WWOX: variants seen among roughly 807,000 people sequenced by gnomAD.
The protein encoded by WWOX is WW domain-containing oxidoreductase.
WWOX carries 69 observed loss-of-function variants against 46.2 expected under a neutral mutation model. That is an observed-to-expected ratio of 1.49 (90% confidence interval 1.23 to 1.82). The LOEUF (loss-of-function observed/expected upper bound fraction) is 1.82, where lower values mean the gene tolerates loss of function less well. WWOX is among the 40% of genes most tolerant of loss of function. WWOX has a pLI of 0.00. For missense variants in WWOX, 919 were observed against 542.6 expected (o/e 1.69, Z -6.89); for synonymous variants, 359 against 202.6 (o/e 1.77, Z -6.56).
chr16:79,139,851 C>T (rs1981883), intron 8 of WWOX, among the ~76,000 whole-genome samples: 29,116 of 152,188 alleles, frequency 0.19, 5,736 homozygotes, highest in African/African-American at 0.51. Flanking sequence ...AAAACTGATA[C>T]TAATTCTGTT....
At chr16:79,117,974 A>G (rs965985448) in intron 8 of WWOX, among the ~76,000 whole-genome samples, 3 of 152,210 alleles carry the variant, frequency 2.0e-5, no homozygotes, top group African/African-American at 4.8e-5. Context: ...TTTGGTTTCT[A>G]TCATTTGTGT....
At chr16:78,362,713 G>A (rs934463795) in intron 5 of WWOX, among the ~76,000 whole-genome samples, 3 of 152,148 alleles carry the variant, frequency 2.0e-5, no homozygotes, top group Non-Finnish European at 4.4e-5. Flanking sequence ...GGGTTTCCAG[G>A]AAACAGCCTC....
chr16:79,004,551 C>T (rs1365154563), intron 8 of WWOX: 1 of 152,272 alleles, frequency 6.6e-6, no homozygotes, highest in Non-Finnish European at 1.5e-5. Context: ...ACTGTGAGCT[C>T]AGGTCAGCAT....
intron 8 of WWOX, among the ~76,000 whole-genome samples, chr16:78,994,800 G>C (rs2046954578): frequency 6.6e-6 from 1 of 152,034 alleles, no homozygotes; most frequent in African/African-American, 2.4e-5. Flanking sequence ...AAAGAGCAGG[G>C]TTTCGCCGTG....
At chr16:78,297,104 G>A (rs902527703) in intron 5 of WWOX, among the ~76,000 whole-genome samples, 2 of 152,150 alleles carry the variant, frequency 1.3e-5, no homozygotes, top group African/African-American at 2.4e-5. Context: ...CCTGGAGTGA[G>A]GTGGCTCTCT....
intron 4 of WWOX, among the ~76,000 whole-genome samples, chr16:78,141,473 A>G (rs548131371): frequency 2.2e-5 from 3 of 137,232 alleles, no homozygotes; most frequent in Non-Finnish European, 3.0e-5. Context: ...CTTTGAGAAT[A>G]TAGTGGAACC....
chr16:78,647,117 C>A (rs1202540586), intron 8 of WWOX, among the ~76,000 whole-genome samples: 1 of 152,174 alleles, frequency 6.6e-6, no homozygotes, highest in Non-Finnish European at 1.5e-5. Context: ...CTGCCCAGTG[C>A]CCCAATCTGG....
intron 8 of WWOX, among the ~76,000 whole-genome samples, chr16:78,489,794 G>C (rs1436914962): frequency 6.6e-6 from 1 of 152,100 alleles, no homozygotes; most frequent in Non-Finnish European, 1.5e-5. Flanking sequence ...TGAAATCTGG[G>C]ACCACAGTTC....
chr16:79,001,056 CATTA>C (rs1567473570), intron 8 of WWOX, among the ~76,000 whole-genome samples: 2 of 152,170 alleles, frequency 1.3e-5, no homozygotes, highest in Non-Finnish European at 2.9e-5. Flanking sequence ...TCAATAAATA[CATTA>C]ATTAATTAAT....
chr16:78,950,967 C>T (rs1052207905), intron 8 of WWOX, among the ~76,000 whole-genome samples: 2 of 152,208 alleles, frequency 1.3e-5, no homozygotes, highest in South Asian at 2.1e-4. Flanking sequence ...TTCTTTCCAG[C>T]CCCGCTCAAC....
At chr16:78,837,652 T>A (rs1416415710) in intron 8 of WWOX, among the ~76,000 whole-genome samples, 2 of 152,186 alleles carry the variant, frequency 1.3e-5, no homozygotes, top group Non-Finnish European at 2.9e-5. Flanking sequence ...GTGAACCAAA[T>A]ATTTTGTATC....
At chr16:78,333,285 G>A (rs2080807458) in intron 5 of WWOX, among the ~76,000 whole-genome samples, 1 of 150,412 alleles carries the variant, frequency 6.6e-6, no homozygotes, top group Admixed American at 6.7e-5. Context: ...CTGAGCTCAG[G>A]TGATCCGCCT....
chr16:78,452,814 G>GT (rs1219456604), intron 8 of WWOX, among the ~76,000 whole-genome samples: 1 of 149,550 alleles, frequency 6.7e-6, no homozygotes, highest in Admixed American at 6.6e-5. Flanking sequence ...ATCTTTTTCT[G>GT]TTTTTCTACA....
chr16:79,034,331 G>C (rs1249263347), intron 8 of WWOX, among the ~76,000 whole-genome samples: 1 of 152,088 alleles, frequency 6.6e-6, no homozygotes, highest in Non-Finnish European at 1.5e-5. Context: ...ACATCCATTT[G>C]GGCATTGTAT....
intron 5 of WWOX, among the ~76,000 whole-genome samples, chr16:78,291,492 C>T (rs2151860792): frequency 6.6e-6 from 1 of 152,258 alleles, no homozygotes; most frequent in East Asian, 1.9e-4. Context: ...CTGGCGGCTG[C>T]CATTCAGCAA....
intron 4 of WWOX, among the ~76,000 whole-genome samples, chr16:78,119,385 A>G (rs1256774025): frequency 2.0e-5 from 3 of 152,200 alleles, no homozygotes; most frequent in Non-Finnish European, 4.4e-5. Flanking sequence ...GGCTATGCAT[A>G]TAAATACTTT....
At chr16:78,843,818 C>T (rs2052225736) in intron 8 of WWOX, among the ~76,000 whole-genome samples, 1 of 152,142 alleles carries the variant, frequency 6.6e-6, no homozygotes, top group African/African-American at 2.4e-5. Flanking sequence ...ATTTACTAAC[C>T]TTCAGCACAA....
intron 8 of WWOX, among the ~76,000 whole-genome samples, chr16:78,860,826 C>G (rs556665759): frequency 6.6e-6 from 1 of 152,208 alleles, no homozygotes; most frequent in South Asian, 2.1e-4. Flanking sequence ...GAGGATTTCT[C>G]TCCCAGGTGT....
intron 8 of WWOX, among the ~76,000 whole-genome samples, chr16:78,619,195 A>T (rs1430560625): frequency 2.8e-5 from 1 of 35,728 alleles, no homozygotes; most frequent in Non-Finnish European, 4.7e-5. Context: ...ATATATATAT[A>T]TATATATATA....
Sources: allele counts gnomAD v4.1 joint callset (sites outside exome capture counted in the v4.1 genomes callset), GRCh38; gene constraint gnomAD v4.1.1; transcripts MANE v1.5; gene names NCBI Gene and HGNC (gene_info 2026-07-23, HGNC 2026-07-21).